RESF1: variants seen among roughly 807,000 people sequenced by gnomAD.
RESF1 encodes the protein gonad expressed transcript.
RESF1 carries 65 observed loss-of-function variants against 134.7 expected under a neutral mutation model. The ratio of observed to expected loss-of-function variants is 0.48; its 90% CI spans 0.40 to 0.59. RESF1 has a LOEUF of 0.59. RESF1 is among the 20% of genes least tolerant of loss of function. The probability of loss-of-function intolerance (pLI) is 0.00; values close to 1 mark genes in which losing one functional copy is unlikely to be tolerated. For synonymous variants in RESF1, 762 were observed against 702.2 expected, an observed-to-expected ratio of 1.09 and a Z score of -1.35; for missense variants, 2,274 against 2,002.7, an observed-to-expected ratio of 1.14 and a Z score of -2.59.
rs1436855669 is a variant in RESF1 at position 31,960,872 on chromosome 12, G to GT, written c.-247+2dup. 6.6e-6 allele frequency: 1 copy of GT among 152,224 alleles called. No individual in the cohort carries two copies. The highest frequency in any genetic ancestry group is 2.4e-5 in the African/African-American group (1 of 41,452). 9.4% of individuals were successfully genotyped at this position (152,224 alleles called of 1,614,324 possible). On this transcript the variant is annotated splice_donor_variant, in intron 2 of 5. Coordinates refer to ENST00000312561, the MANE Select transcript of RESF1 (RefSeq NM_018169.4). LOFTEE classifies it low-confidence loss of function (5UTR_SPLICE). Reference sequence around the variant, plus strand: ...TTAAAGAGTAAAGTTGTGCTCAACGGTAAGTGTATCACCTCTAAGAAACCC... The same window carrying GT: ...TTAAAGAGTAAAGTTGTGCTCAACGGTTAAGTGTATCACCTCTAAGAAACCC...
chr12:31,988,343 A>G (rs1940019323), intron 5 of RESF1, among the ~76,000 whole-genome samples: 1 of 152,192 alleles, frequency 6.6e-6, no homozygotes. Context: ...TTGGGAAAAA[A>G]ATTAATACAA....
rs2120843079 is a variant in RESF1, at chr12:31,980,915, ATAACTGACTTG to A, written c.-37_-27del. ...CAGACAACTGACTTGTAACTGACTTATAACTGACTTGTAATACACTGCTACTATATCAAACC... is the reference window on the plus strand; with the variant it reads ...CAGACAACTGACTTGTAACTGACTTATAATACACTGCTACTATATCAAACC... On this transcript the variant is annotated 5_prime_UTR_variant, in exon 4 of 6. Coordinates refer to ENST00000312561, the MANE Select transcript of RESF1 (RefSeq NM_018169.4). The A allele has an allele frequency of 7.0e-7, 1 of 1,428,450 alleles. No individual in the cohort carries two copies. Among genetic ancestry groups the A allele is most frequent in the Non-Finnish European group, 9.5e-7 (1 of 1,049,478 alleles). The allele number at this position is 1,428,450 out of a possible 1,614,324, so 88.5% of individuals were successfully genotyped here.
At chr12:31,962,817 G>T (rs1421591124) in intron 2 of RESF1, among the ~76,000 whole-genome samples, 1 of 152,234 alleles carries the variant, frequency 6.6e-6, no homozygotes, top group East Asian at 1.9e-4. Flanking sequence ...ATGGATCAGG[G>T]TCGGGTGCGG....
chr12:31,963,482 C>G (rs1465396416), intron 2 of RESF1, among the ~76,000 whole-genome samples: 1 of 152,104 alleles, frequency 6.6e-6, no homozygotes, highest in Non-Finnish European at 1.5e-5. Flanking sequence ...TCAGGCAGAC[C>G]ATCCCTCCAC....
rs1367598085 is a variant in RESF1, at chr12:31,983,754, G to A, written c.2799G>A (p.Gly933=). ...AACCTTCTCTACCCAATCAGCAAGGGATTGGCAGCAGAGAACCAGAAAAAC... is the reference window on the plus strand; with the variant it reads ...AACCTTCTCTACCCAATCAGCAAGGAATTGGCAGCAGAGAACCAGAAAAAC... The part of the protein sequence containing the change: ...PQKPSLPNQQ[G]IGSREPEKQL... Residue 933 remains glycine, a synonymous_variant, in exon 4 of 6, where the codon GGG becomes GGA. Coordinates refer to ENST00000312561, the MANE Select transcript of RESF1 (RefSeq NM_018169.4). 3 of 1,613,742 alleles carry A rather than the reference G, an allele frequency of 1.9e-6. No individual in the cohort carries two copies. The highest frequency in any genetic ancestry group is 2.5e-6 in the Non-Finnish European group (3 of 1,180,006).
intron 5 of RESF1, among the ~76,000 whole-genome samples, chr12:31,991,104 A>C (rs1175361841): frequency 6.6e-6 from 1 of 151,728 alleles, no homozygotes; most frequent in Non-Finnish European, 1.5e-5. Flanking sequence ...CAGACTGAGG[A>C]AGGAGGATCA....
At chr12:31,977,950 T>C (rs1328767703) in intron 3 of RESF1, among the ~76,000 whole-genome samples, 1 of 151,412 alleles carries the variant, frequency 6.6e-6, no homozygotes, top group Non-Finnish European at 1.5e-5. Context: ...GGACAACAGG[T>C]GTGCACACCT....
At position 31,984,971 on chromosome 12, in the gene RESF1, CT is replaced by C. The variant is rs35440799; in HGVS notation, c.4022del (p.Leu1341CysfsTer22). ...QNSRPLKTKT[A>X]FLPNKDVYKK... ...TCACGTCCACTAAAAACAAAAACAG[CT>C]TTTTTGCCAAATAAAGATGTGTATA... On this transcript the variant is annotated frameshift_variant, in exon 4 of 6. Transcript: ENST00000312561. LOFTEE classifies it high-confidence loss of function. 1 of 1,612,920 alleles carries C rather than the reference CT, an allele frequency of 6.2e-7. No homozygotes were observed. The highest frequency in any genetic ancestry group is 1.7e-5 in the Admixed American group (1 of 59,790).
At chr12:31,968,462 T>C (rs1027871909) in intron 2 of RESF1, among the ~76,000 whole-genome samples, 218 of 151,816 alleles carry the variant, frequency 1.4e-3, no homozygotes, top group African/African-American at 4.9e-3. Context: ...TTTTTTTTTT[T>C]TTTTGAGACG....
In RESF1 at chr12:31,981,608, A is replaced by G; in HGVS notation, c.653A>G (p.Tyr218Cys). The change falls in exon 4 of 6, where the codon TAC becomes TGC. Residue 218 changes from tyrosine (Y) to cysteine (C), a missense_variant. By Grantham distance (194) the Tyr-to-Cys change is radical. Coordinates refer to ENST00000312561, the MANE Select transcript of RESF1 (RefSeq NM_018169.4). ...GATTACAGACCACCTCCAAAGCTAT[A>G]CCGTTACTCACCACAAAGCTTTTTA... is the stretch of plus-strand genomic sequence containing the variant. ...YPDYRPPPKL[Y>C]RYSPQSFLPD... 3.1e-6 allele frequency: 5 copies of G among 1,614,178 alleles called. No homozygotes were observed. Among genetic ancestry groups the G allele is most frequent in the South Asian group, 1.1e-5 (1 of 91,080 alleles).
intron 5 of RESF1, among the ~76,000 whole-genome samples, chr12:31,990,718 T>G (rs4931004): frequency 1.3e-5 from 2 of 152,034 alleles, no homozygotes; most frequent in Non-Finnish European, 2.9e-5. Flanking sequence ...GGATTACAGG[T>G]GTGAGCCACT....
At chr12:31,963,659 C>A (rs181917431) in intron 2 of RESF1, among the ~76,000 whole-genome samples, 1 of 152,080 alleles carries the variant, frequency 6.6e-6, no homozygotes, top group East Asian at 1.9e-4. Flanking sequence ...CCCATCACCA[C>A]GTCAATTTAA....
chr12:31,960,884 C>T lies in RESF1; in HGVS notation c.-247+13C>T, dbSNP rs1360030228. On this transcript the variant is annotated intron_variant, in intron 2 of 5. Transcript: ENST00000312561. ...GTTGTGCTCAACGGTAAGTGTATCACCTCTAAGAAACCCGCCCTGATTTAA... is the reference window on the plus strand; with the variant it reads ...GTTGTGCTCAACGGTAAGTGTATCATCTCTAAGAAACCCGCCCTGATTTAA... 1 of 152,160 alleles carries T rather than the reference C, an allele frequency of 6.6e-6. No homozygotes were observed. The highest frequency in any genetic ancestry group is 1.5e-5 in the Non-Finnish European group (1 of 68,022). 9.4% of individuals were successfully genotyped at this position (152,160 alleles called of 1,614,324 possible). A position where few individuals can be genotyped will look rare whatever the true frequency, so the allele number is the denominator to read the frequency against.
At chr12:31,963,023 C>T (rs116619529) in intron 2 of RESF1, among the ~76,000 whole-genome samples, 260 of 152,028 alleles carry the variant, frequency 1.7e-3, no homozygotes, top group African/African-American at 4.5e-3. Flanking sequence ...GCTGAGATCG[C>T]GCCACTGTAC....
intron 2 of RESF1, among the ~76,000 whole-genome samples, chr12:31,966,966 G>A (rs1289114220): frequency 1.3e-5 from 2 of 152,188 alleles, no homozygotes; most frequent in Non-Finnish European, 2.9e-5. Flanking sequence ...ATCACAGGCT[G>A]ACCCATATTC....
Position 31,985,167 on chromosome 12 carries a change from A to C in RESF1, c.4212A>C (p.Thr1404=). The change falls in exon 4 of 6, where the codon ACA becomes ACC. Residue 1404 remains threonine, a synonymous_variant. Transcript: ENST00000312561. ...AACAGAAAGGAAGTGTGGGAGCTAC[A>C]TTCAAATTAGGTGACTCTTTGTCAA... ...KQEQKGSVGA[T]FKLGDSLSNP... 6.4e-7 allele frequency: 1 copy of C among 1,559,390 alleles called. No homozygotes were observed. The highest frequency in any genetic ancestry group is 2.2e-5 in the East Asian group (1 of 44,452).
intron 5 of RESF1, among the ~76,000 whole-genome samples, chr12:31,989,269 A>G (rs575148719): frequency 6.6e-6 from 1 of 151,140 alleles, no homozygotes; most frequent in South Asian, 2.1e-4. Flanking sequence ...GGTGGCGGGC[A>G]CCTGTAGTCC....
In RESF1 at chr12:31,984,049, A is replaced by G. The variant is rs1939886815; in HGVS notation, c.3094A>G (p.Thr1032Ala). 1.2e-6 allele frequency: 2 copies of G among 1,614,018 alleles called. No homozygotes were observed. Among genetic ancestry groups the G allele is most frequent in the Non-Finnish European group, 1.7e-6 (2 of 1,179,984 alleles). Residue 1032 changes from threonine (T) to alanine (A), a missense_variant, in exon 4 of 6, where the codon ACT (threonine) becomes GCT (alanine). Coordinates refer to ENST00000312561, the MANE Select transcript of RESF1 (RefSeq NM_018169.4). ...GGAAATAGATGCATCCAGCAACTAT[A>G]CTCCCCAAGATCCTGCAAGAAATGA... ...PQEIDASSNY[T>A]PQDPARNEIH...
In RESF1 at chr12:31,984,733, C is replaced by T. The variant is rs772720696; in HGVS notation, c.3778C>T (p.Pro1260Ser). 1 of 1,609,614 alleles carries T rather than the reference C, an allele frequency of 6.2e-7. No homozygotes were observed. The highest frequency in any genetic ancestry group is 1.3e-5 in the African/African-American group (1 of 74,616). Residue 1260 changes from proline (P) to serine (S), a missense_variant, in exon 4 of 6, where the codon CCC becomes TCC. Transcript: ENST00000312561. ...ELQDDSRKDTPKTKHKSLPRT... is the reference protein window; with the variant it reads ...ELQDDSRKDTSKTKHKSLPRT... The stretch of plus-strand genomic sequence containing the variant: ...ACAAGACGACAGTAGAAAAGATACA[C>T]CCAAAACAAAACATAAAAGCTTACC...
Sources: gnomAD v4.1 joint callset for allele counts (sites outside exome capture counted in the v4.1 genomes callset) on GRCh38, gnomAD v4.1.1 for gene constraint, MANE v1.5 for transcripts, NCBI Gene and HGNC (gene_info 2026-07-23, HGNC 2026-07-21) for gene names.